IQCE: variants seen among roughly 807,000 people sequenced by gnomAD.
IQCE encodes the protein IQ domain-containing protein E.
In IQCE, 115 loss-of-function variants were observed where a neutral mutation model predicts 96.0. The observed-to-expected ratio is 1.20, with a 90% CI of 1.03 to 1.40. IQCE has a LOEUF of 1.40. Among genes scored for constraint, IQCE ranks in the 40% most tolerant of loss-of-function variants. The pLI is 0.00. For missense variants in IQCE, 1,041 were observed against 909.1 expected (o/e 1.15, Z -1.87); for synonymous variants, 412 against 371.2 (o/e 1.11, Z -1.26).
At position 2,589,671 on chromosome 7, in the gene IQCE, T is replaced by G. The variant is rs1467770962; in HGVS notation, c.1045-236T>G. Among the ~76,000 whole-genome samples the G allele has an allele frequency of 2.7e-5, 4 of 149,162 alleles. No homozygotes were observed. The East Asian group carries it at 8.5e-4, about 32-fold the overall frequency. On this transcript the variant is annotated intron_variant, in intron 13 of 21. Transcript: ENST00000402050. ...GTTTTAATGACTTCTGCCTGCGCCC[T>G]GGCTTGGCGGGGGTCTGCGCGTGCC... is the stretch of plus-strand genomic sequence containing the variant.
intron 21 of IQCE, among the ~76,000 whole-genome samples, chr7:2,608,167 G>A (rs1784959077): frequency 6.6e-6 from 1 of 152,220 alleles, no homozygotes; most frequent in Admixed American, 6.5e-5. Context: ...CTTCAGGACG[G>A]GCCCAGGGAG....
chr7:2,605,194 G>A (rs1784714116), intron 19 of IQCE, among the ~76,000 whole-genome samples: 1 of 152,234 alleles, frequency 6.6e-6, no homozygotes, highest in South Asian at 2.1e-4. Context: ...GATGGATGTG[G>A]CGTTAGGGCC....
intron 16 of IQCE, among the ~76,000 whole-genome samples, chr7:2,597,348 C>T (rs886320485): frequency 1.3e-5 from 2 of 152,266 alleles, no homozygotes; most frequent in Non-Finnish European, 2.9e-5. Flanking sequence ...TGCCCGAAGG[C>T]AGGCCCTTCA....
chr7:2,584,108 G>T, intron 10 of IQCE, 128 bp from the exon 11 acceptor site: 1 of 833,682 alleles, frequency 1.2e-6, no homozygotes, highest in South Asian at 1.4e-5. Flanking sequence ...ACGGAAAGAT[G>T]AAGTGCGGCC....
rs114670861 is a variant in IQCE, at chr7:2,567,556, C to T, written c.84+393C>T. Among the ~76,000 whole-genome samples the T allele has an allele frequency of 9.6e-3, 1,459 of 152,354 alleles. 31 individuals are homozygous for T. The highest frequency in any genetic ancestry group is 0.034 in the Middle Eastern group (10 of 294). On this transcript the variant is annotated intron_variant, in intron 2 of 21. Coordinates refer to ENST00000402050, the MANE Select transcript of IQCE (RefSeq NM_152558.5). ...CCGCCATCCCAAGCTGAACTGCTGC[C>T]TGGCCTCCCAGCCCGGAAAGGAGAG...
At chr7:2,563,381 G>GTGTGTGTA (rs1781116569) in intron 1 of IQCE, among the ~76,000 whole-genome samples, 1 of 150,200 alleles carries the variant, frequency 6.7e-6, no homozygotes, top group South Asian at 2.1e-4. Flanking sequence ...TTTGTTGTGT[G>GTGTGTGTA]TGTGTGTGTG....
intron 1 of IQCE, among the ~76,000 whole-genome samples, chr7:2,565,248 T>C (rs1381823837): frequency 2.0e-5 from 3 of 146,478 alleles, no homozygotes; most frequent in Non-Finnish European, 4.5e-5. Context: ...CGTGTGTGTG[T>C]GTGCATGCGT....
chr7:2,594,205 A>G (rs527759127), intron 15 of IQCE, among the ~76,000 whole-genome samples: 1 of 152,336 alleles, frequency 6.6e-6, no homozygotes, highest in African/African-American at 2.4e-5. Context: ...GGTTGCAGTG[A>G]GCAGAGAGCA....
rs1783750821 is a variant in IQCE at position 2,593,203 on chromosome 7, T to C, written c.1349+77T>C. ...GCTACCACTGCGGCCCCCCGTGGCGTCTCAGCCTTGCTGCCAGCCGGCTTC... is the reference window on the plus strand; with the variant it reads ...GCTACCACTGCGGCCCCCCGTGGCGCCTCAGCCTTGCTGCCAGCCGGCTTC... On this transcript the variant is annotated intron_variant, in intron 15 of 21. Transcript: ENST00000402050. The C allele has an allele frequency of 2.7e-6, 4 of 1,504,210 alleles. No individual in the cohort carries two copies. In the African/African-American group the frequency reaches 4.2e-5, roughly 16 times the overall value. 93.2% of individuals were successfully genotyped at this position (1,504,210 alleles called of 1,614,324 possible).
At chr7:2,574,368 G>A (rs1781970523) in intron 6 of IQCE, among the ~76,000 whole-genome samples, 1 of 152,252 alleles carries the variant, frequency 6.6e-6, no homozygotes, top group Non-Finnish European at 1.5e-5. Context: ...GGGGAACCTG[G>A]TGTAGACCAT....
chr7:2,594,417 A>G lies in IQCE; in HGVS notation c.1350-469A>G, dbSNP rs78000960. ...ACCTGGAATGAATATCTAAATTGCA[A>G]TGCCTTCTGTTCATACTGTTTACTA... On this transcript the variant is annotated intron_variant, in intron 15 of 21. Transcript: ENST00000402050. 5.5e-3 allele frequency among the ~76,000 whole-genome samples: 843 copies of G among 152,296 alleles called. 10 individuals are homozygous for G. Among genetic ancestry groups the G allele is most frequent in the African/African-American group, 0.019 (803 of 41,552 alleles).
At chr7:2,588,933 G>A (rs952979859) in intron 13 of IQCE, among the ~76,000 whole-genome samples, 1 of 151,980 alleles carries the variant, frequency 6.6e-6, no homozygotes, top group Non-Finnish European at 1.5e-5. Context: ...TTAAAGTGCT[G>A]GGATTACAGT....
chr7:2,586,606 A>G (rs552465001), intron 12 of IQCE, among the ~76,000 whole-genome samples: 4 of 152,204 alleles, frequency 2.6e-5, no homozygotes, highest in East Asian at 1.9e-4. Context: ...TGTGGGAGGG[A>G]GAGAGGAGCT....
chr7:2,606,561 C>T (rs890244844), intron 20 of IQCE, among the ~76,000 whole-genome samples: 14 of 152,158 alleles, frequency 9.2e-5, no homozygotes, highest in South Asian at 4.1e-4. Context: ...TGCTTCACCC[C>T]GCATGGGGTT....
intron 1 of IQCE, chr7:2,559,516 A>G (rs1780759567): frequency 9.5e-6 from 2 of 209,766 alleles, no homozygotes; most frequent in South Asian, 3.7e-4. Context: ...GACGGAGCTC[A>G]CGGTGTAAGT....
intron 3 of IQCE, among the ~76,000 whole-genome samples, chr7:2,570,439 G>C (rs1371707544): frequency 6.6e-6 from 1 of 151,518 alleles, no homozygotes; most frequent in Non-Finnish European, 1.5e-5. Context: ...TTTACGTTTT[G>C]GAAGAATTTG....
intron 1 of IQCE, among the ~76,000 whole-genome samples, chr7:2,563,710 C>A (rs567984955): frequency 6.6e-6 from 1 of 150,768 alleles, no homozygotes; most frequent in African/African-American, 2.4e-5. Flanking sequence ...CTGGCTAACA[C>A]AGTGAAACCC....
chr7:2,566,189 A>G (rs986649797), intron 1 of IQCE, among the ~76,000 whole-genome samples: 1 of 152,114 alleles, frequency 6.6e-6, no homozygotes, highest in Non-Finnish European at 1.5e-5. Context: ...GAAAGCACCA[A>G]TATGATCTTC....
At chr7:2,609,644 C>A (rs889400394) in intron 21 of IQCE, among the ~76,000 whole-genome samples, 1 of 151,984 alleles carries the variant, frequency 6.6e-6, no homozygotes, top group East Asian at 1.9e-4. Context: ...GAGAGTGAGG[C>A]TTTCTGGCAG....
Sources: gnomAD v4.1 joint callset for allele counts (sites outside exome capture counted in the v4.1 genomes callset) on GRCh38, gnomAD v4.1.1 for gene constraint, MANE v1.5 for transcripts, NCBI Gene and HGNC (gene_info 2026-07-23, HGNC 2026-07-21) for gene names.